The following VPS26C variants were observed in gnomAD, a reference collection of about 807,000 sequenced individuals.
VPS26C encodes the protein VPS26 endosomal protein sorting factor C, also known as vacuolar protein sorting-associated protein 26C.
A neutral mutation model predicts 30.6 loss-of-function variants in VPS26C; 19 were observed. The observed-to-expected ratio is 0.62, with a 90% confidence interval of 0.43 to 0.91. The LOEUF (loss-of-function observed/expected upper bound fraction) is 0.91. Among genes scored for constraint, VPS26C ranks in the 40% least tolerant of loss-of-function variants. VPS26C has a pLI of 0.00. For synonymous variants in VPS26C, 132 were observed against 151.5 expected, an observed-to-expected ratio of 0.87 and a Z score of 0.95; for missense variants, 318 against 385.1, an observed-to-expected ratio of 0.83 and a Z score of 1.46.
chr21:37,238,507 T>C lies in VPS26C; in HGVS notation c.304A>G (p.Asn102Asp), dbSNP rs911054616. The change falls in exon 3 of 8, where the codon AAC becomes GAC. Residue 102 changes from asparagine (N) to aspartate (D), a missense_variant. By Grantham distance (23) the Asn-to-Asp change is conservative (BLOSUM62 1). Coordinates refer to ENST00000309117, the MANE Select transcript of VPS26C (RefSeq NM_006052.2). The part of the protein sequence containing the change: ...PFEFPLHLKG[N>D]KVLYETYHGV... ...TGATACGTCTCATACAGAACTTTGT[T>C]ACCCTTCAAGTGCAGAGGAAATTCA... 1.2e-5 allele frequency: 19 copies of C among 1,614,228 alleles called. No individual in the cohort carries two copies. The highest frequency in any genetic ancestry group is 1.5e-5 in the Non-Finnish European group (18 of 1,180,038).
At chr21:37,245,598 G>C (rs183893579) in intron 1 of VPS26C, among the ~76,000 whole-genome samples, 1 of 152,078 alleles carries the variant, frequency 6.6e-6, no homozygotes, top group East Asian at 1.9e-4. Context: ...AGACAAAAGT[G>C]CCTCCCTATT....
chr21:37,267,142 G>A (rs2086373817), intron 1 of VPS26C, 96 bp downstream of exon 1: 3 of 1,163,152 alleles, frequency 2.6e-6, no homozygotes, highest in Non-Finnish European at 3.8e-6. Context: ...GCCCTGCCCC[G>A]CCTAGGGACG....
chr21:37,260,784 T>C (rs2086296040), intron 1 of VPS26C, among the ~76,000 whole-genome samples: 1 of 152,226 alleles, frequency 6.6e-6, no homozygotes, highest in South Asian at 2.1e-4. Flanking sequence ...AGAATGACTA[T>C]TTTAAAGCAA....
At chr21:37,235,488 G>C (rs1025533038) in intron 3 of VPS26C, among the ~76,000 whole-genome samples, 3 of 152,144 alleles carry the variant, frequency 2.0e-5, no homozygotes, top group African/African-American at 7.2e-5. Flanking sequence ...CTTTGAAAAG[G>C]GATGACTAGG....
Position 37,247,296 on chromosome 21 carries a change from AAAC to A in VPS26C, c.58-6660_58-6658del, listed in dbSNP as rs749368888. Among the ~76,000 whole-genome samples, 9 of 152,318 alleles carry A rather than the reference AAAC, an allele frequency of 5.9e-5. No individual in the cohort carries two copies. In the Middle Eastern group the frequency reaches 0.024, roughly 403 times the overall value. On this transcript the variant is annotated intron_variant, in intron 1 of 7. Transcript: ENST00000309117. ...TCGTACAAATAAACTTAACAGAAGT[AAAC>A]AACGACGAATACTATAAGTAACTAA...
intron 1 of VPS26C, among the ~76,000 whole-genome samples, chr21:37,244,782 G>A (rs552957503): frequency 5.9e-5 from 9 of 152,306 alleles, no homozygotes; most frequent in African/African-American, 1.9e-4. Flanking sequence ...TAAAAGAAGT[G>A]AAGACTGAGC....
At chr21:37,241,327 G>C (rs189149284) in intron 1 of VPS26C, among the ~76,000 whole-genome samples, 1 of 152,280 alleles carries the variant, frequency 6.6e-6, no homozygotes, top group Non-Finnish European at 1.5e-5. Flanking sequence ...CAGATCATCT[G>C]TGCATTTATC....
In VPS26C at chr21:37,240,544, G is replaced by A. The variant is rs2086075272; in HGVS notation, c.153C>T (p.Leu51=). Residue 51 remains leucine, a synonymous_variant, in exon 2 of 8, where the codon CTC becomes CTT. Transcript: ENST00000309117. The part of the protein sequence containing the change: ...LTMEGTVNLQ[L]SAKSVGVFEA... ...CAAACACACCCACACTTTTGGCACTGAGCTGGAGGTTTACAGTTCCTTCCA... is the reference window on the plus strand; with the variant it reads ...CAAACACACCCACACTTTTGGCACTAAGCTGGAGGTTTACAGTTCCTTCCA... 2 of 1,614,188 alleles carry A rather than the reference G, an allele frequency of 1.2e-6. No individual in the cohort carries two copies. Among genetic ancestry groups the A allele is most frequent in the Non-Finnish European group, 1.7e-6 (2 of 1,180,042 alleles).
chr21:37,260,011 A>G (rs2086288059), intron 1 of VPS26C, among the ~76,000 whole-genome samples: 1 of 152,174 alleles, frequency 6.6e-6, no homozygotes, highest in African/African-American at 2.4e-5. Context: ...TTAAAATACA[A>G]CCTTTGAGTA....
At chr21:37,248,265 C>G (rs1381273960) in intron 1 of VPS26C, among the ~76,000 whole-genome samples, 1 of 141,674 alleles carries the variant, frequency 7.1e-6, no homozygotes. Flanking sequence ...ATGCTCTTTT[C>G]AGTGTCCATG....
chr21:37,246,842 C>T (rs1474613318), intron 1 of VPS26C, among the ~76,000 whole-genome samples: 1 of 152,218 alleles, frequency 6.6e-6, no homozygotes, highest in African/African-American at 2.4e-5. Context: ...ACTGCAACCT[C>T]CACCTCCCAG....
At position 37,228,207 on chromosome 21, in the gene VPS26C, G is replaced by A; in HGVS notation, c.658+16C>T. 6.2e-7 allele frequency: 1 copy of A among 1,607,634 alleles called. No homozygotes were observed. ...GGGGGACAGGCAAGCGCCAGGCCTG[G>A]TGGCACGGCCCTCACCGCACGTCTC... On this transcript the variant is annotated intron_variant, in intron 6 of 7. Transcript: ENST00000309117.
chr21:37,236,156 C>T (rs543922053), intron 3 of VPS26C, among the ~76,000 whole-genome samples: 2 of 152,194 alleles, frequency 1.3e-5, no homozygotes, highest in East Asian at 3.9e-4. Flanking sequence ...TAGGGTTTAG[C>T]AACAAAAGTT....
chr21:37,262,187 T>C (rs571265532), intron 1 of VPS26C, among the ~76,000 whole-genome samples: 7 of 152,226 alleles, frequency 4.6e-5, no homozygotes, highest in Non-Finnish European at 7.3e-5. Context: ...TATAAACACC[T>C]GGTCAACCAA....
Position 37,233,457 on chromosome 21 carries a change from T to C in VPS26C, c.352-15A>G, listed in dbSNP as rs755161717. On this transcript the variant is annotated splice_polypyrimidine_tract_variant and intron_variant, in intron 3 of 7. Coordinates refer to ENST00000309117, the MANE Select transcript of VPS26C (RefSeq NM_006052.2). This position sits in a 1 kb window ranked among gnomAD's most constrained non-coding sequence, Gnocchi z 5.2. The stretch of plus-strand genomic sequence containing the variant: ...CGCAGTGTATACTAAAGGGGAGAGT[T>C]GGAGGAAAAAAGTTCATTTTAGTGG... 6.2e-7 allele frequency: 1 copy of C among 1,607,086 alleles called. No homozygotes were observed. Among genetic ancestry groups the C allele is most frequent in the Non-Finnish European group, 8.5e-7 (1 of 1,174,348 alleles).
At chr21:37,245,543 C>G (rs1048723780) in intron 1 of VPS26C, among the ~76,000 whole-genome samples, 9 of 152,180 alleles carry the variant, frequency 5.9e-5, no homozygotes, top group African/African-American at 2.2e-4. Flanking sequence ...ATTATCCCCC[C>G]TCCCTGACTG....
At chr21:37,232,505 G>A (rs949870271) in intron 4 of VPS26C, 54 bp from the exon 5 acceptor site, 7 of 1,443,958 alleles carry the variant, frequency 4.8e-6, no homozygotes, top group Non-Finnish European at 6.8e-6. Flanking sequence ...AGTTCTGCAG[G>A]TCAAATAGCT....
At chr21:37,254,256 A>AC (rs2086220591) in intron 1 of VPS26C, among the ~76,000 whole-genome samples, 1 of 152,224 alleles carries the variant, frequency 6.6e-6, no homozygotes, top group Non-Finnish European at 1.5e-5. Context: ...CCAAGCCAGG[A>AC]TGCAGGCAAA....
At position 37,248,713 on chromosome 21, in the gene VPS26C, T is replaced by TA. The variant is rs558050794; in HGVS notation, c.58-8075dup. On this transcript the variant is annotated intron_variant, in intron 1 of 7. Coordinates refer to ENST00000309117, the MANE Select transcript of VPS26C (RefSeq NM_006052.2). ...TAAAACTATTAGAAAGCAACGAACT[T>TA]AAAAAAAAAAAAAAAGCCAACATAA... Among the ~76,000 whole-genome samples the TA allele has an allele frequency of 7.6e-3, 742 of 98,054 alleles. 2 individuals are homozygous for TA. Among genetic ancestry groups the TA allele is most frequent in the Middle Eastern group, 0.012 (2 of 162 alleles). The allele number at this position is 98,054 out of a possible 152,430, so 64.3% of individuals were successfully genotyped here.
Sources: allele counts gnomAD v4.1 joint callset (sites outside exome capture counted in the v4.1 genomes callset), GRCh38; gene constraint gnomAD v4.1.1; non-coding constraint Gnocchi (gnomAD v3.1); transcripts MANE v1.5; gene names NCBI Gene and HGNC (gene_info 2026-07-23, HGNC 2026-07-21).